Variants in COL25A1 observed in about 807,000 individuals in gnomAD.
COL25A1 encodes collagen type XXV alpha 1 chain.
A neutral mutation model predicts 128.4 loss-of-function variants in COL25A1; 103 were observed. The ratio of observed to expected loss-of-function variants is 0.80; its 90% CI spans 0.68 to 0.94. COL25A1 has a LOEUF of 0.94. COL25A1 is among the 40% of genes least tolerant of loss of function. The probability of loss-of-function intolerance (pLI) is 0.00; values close to 1 mark genes in which losing one functional copy is unlikely to be tolerated. For missense variants in COL25A1, 745 were observed against 840.0 expected, an observed-to-expected ratio of 0.89 and a Z score of 1.40; for synonymous variants, 279 against 277.2, an observed-to-expected ratio of 1.01 and a Z score of -0.06.
chr4:109,265,518 CGTGTGTGT>C (rs57643656), intron 3 of COL25A1, among the ~76,000 whole-genome samples: 9,107 of 129,656 alleles, frequency 0.07, 622 homozygotes, highest in African/African-American at 0.18. Flanking sequence ...AATAACAGTA[CGTGTGTGT>C]GTGTGTGTGT....
intron 3 of COL25A1, among the ~76,000 whole-genome samples, chr4:109,227,431 A>T (rs1455120769): frequency 6.6e-6 from 1 of 152,120 alleles, no homozygotes; most frequent in Non-Finnish European, 1.5e-5. Context: ...GTATCTTGTA[A>T]TTTTTGCTGG....
intron 24 of COL25A1, among the ~76,000 whole-genome samples, chr4:108,854,332 C>T (rs1259479970): frequency 6.6e-6 from 1 of 152,036 alleles, no homozygotes; most frequent in Non-Finnish European, 1.5e-5. Context: ...ACTAAAACAC[C>T]AAAAGCAGTG....
chr4:108,965,976 T>C (rs912237929), intron 8 of COL25A1, among the ~76,000 whole-genome samples: 1 of 152,228 alleles, frequency 6.6e-6, no homozygotes, highest in African/African-American at 2.4e-5. Context: ...AAGATCTTGA[T>C]ATGCAATTTT....
At chr4:108,998,247 C>T (rs922389657) in intron 6 of COL25A1, among the ~76,000 whole-genome samples, 2 of 152,172 alleles carry the variant, frequency 1.3e-5, no homozygotes, top group African/African-American at 4.8e-5. Flanking sequence ...CCCAAATTTC[C>T]TTAAGCTGAT....
intron 3 of COL25A1, among the ~76,000 whole-genome samples, chr4:109,175,779 G>C (rs1774036203): frequency 6.6e-6 from 1 of 152,176 alleles, no homozygotes; most frequent in East Asian, 1.9e-4. Flanking sequence ...GTCAAGTCCT[G>C]TCTAATGAAG....
intron 3 of COL25A1, among the ~76,000 whole-genome samples, chr4:109,220,708 T>C (rs1309890012): frequency 6.6e-6 from 1 of 152,180 alleles, no homozygotes; most frequent in Admixed American, 6.5e-5. Flanking sequence ...AAAAGTACTT[T>C]ATTGAAATCC....
chr4:109,269,757 A>C (rs1314456072), intron 3 of COL25A1, among the ~76,000 whole-genome samples: 1 of 152,128 alleles, frequency 6.6e-6, no homozygotes, highest in Non-Finnish European at 1.5e-5. Context: ...CCGGGCAGAG[A>C]CACAACCAAA....
chr4:109,038,044 G>A (rs977495866), intron 5 of COL25A1, among the ~76,000 whole-genome samples: 6 of 152,168 alleles, frequency 3.9e-5, no homozygotes, highest in Non-Finnish European at 7.3e-5. Flanking sequence ...AAGTGTGAAG[G>A]TACATCTGTG....
Position 109,099,753 on chromosome 4 carries a change from T to C in COL25A1, c.368-49574A>G, listed in dbSNP as rs950258233. ...AAAATAAATATATATGTATAACTAA[T>C]GTATAAAAAATTCTGATGAAAACAT... On this transcript the variant is annotated intron_variant, in intron 3 of 37. Transcript: ENST00000399132. 3.9e-5 allele frequency among the ~76,000 whole-genome samples: 6 copies of C among 151,996 alleles called. No individual in the cohort carries two copies. In the East Asian group the frequency reaches 5.8e-4, roughly 15 times the overall value.
chr4:108,821,581 A>G (rs1312203126), intron 35 of COL25A1, among the ~76,000 whole-genome samples: 1 of 152,194 alleles, frequency 6.6e-6, no homozygotes, highest in Non-Finnish European at 1.5e-5. Context: ...TTTGATTGGT[A>G]AATCAACTCA....
intron 5 of COL25A1, among the ~76,000 whole-genome samples, chr4:109,019,369 C>CATATATATATATATATATATAT (rs1320479600): frequency 6.5e-4 from 6 of 9,234 alleles, no homozygotes; most frequent in Admixed American, 2.1e-3. Flanking sequence ...CACACACACA[C>CATATATATATATATATATATAT]ACACACATAT....
At chr4:109,194,629 T>C (rs1396368401) in intron 3 of COL25A1, among the ~76,000 whole-genome samples, 1 of 152,130 alleles carries the variant, frequency 6.6e-6, no homozygotes, top group African/African-American at 2.4e-5. Flanking sequence ...GTAAACTGCT[T>C]CTTTGATTCC....
At chr4:109,186,511 C>A (rs1273332572) in intron 3 of COL25A1, among the ~76,000 whole-genome samples, 2 of 152,136 alleles carry the variant, frequency 1.3e-5, no homozygotes, top group Non-Finnish European at 2.9e-5. Flanking sequence ...ATAAAAGCAT[C>A]CCAACACAAC....
chr4:109,050,223 T>C (rs768884747), intron 3 of COL25A1, 44 bp from the exon 4 acceptor site: 1 of 1,478,422 alleles, frequency 6.8e-7, no homozygotes, highest in Non-Finnish European at 9.3e-7. Context: ...TTAATTCTTT[T>C]TCCTGGTTCC....
intron 3 of COL25A1, among the ~76,000 whole-genome samples, chr4:109,121,461 C>T (rs1199437304): frequency 6.6e-6 from 1 of 151,874 alleles, no homozygotes; most frequent in Non-Finnish European, 1.5e-5. Context: ...AAAAAGCGGA[C>T]AAAAGATCTA....
chr4:108,853,381 CGT>C (rs889430135), intron 24 of COL25A1, among the ~76,000 whole-genome samples: 5 of 67,022 alleles, frequency 7.5e-5, no homozygotes, highest in African/African-American at 2.0e-4. Flanking sequence ...TGTGTTTGTG[CGT>C]GTGTGTGTGT....
At chr4:109,233,853 T>C (rs904993523) in intron 3 of COL25A1, among the ~76,000 whole-genome samples, 1 of 152,108 alleles carries the variant, frequency 6.6e-6, no homozygotes, top group Non-Finnish European at 1.5e-5. Flanking sequence ...TACAACTCTG[T>C]CACCCTTTTC....
chr4:109,150,119 C>A (rs1171675607), intron 3 of COL25A1, among the ~76,000 whole-genome samples: 1 of 151,596 alleles, frequency 6.6e-6, no homozygotes, highest in East Asian at 1.9e-4. Flanking sequence ...ATGTGATAGT[C>A]TGTATTGTCT....
chr4:108,908,229 C>G (rs1359020812), intron 13 of COL25A1, among the ~76,000 whole-genome samples: 1 of 152,174 alleles, frequency 6.6e-6, no homozygotes, highest in African/African-American at 2.4e-5. Context: ...AAGAATTCCT[C>G]TCTGCAGGCA....
Sources: gnomAD v4.1 joint callset for allele counts (sites outside exome capture counted in the v4.1 genomes callset) on GRCh38, gnomAD v4.1.1 for gene constraint, MANE v1.5 for transcripts, NCBI Gene and HGNC (gene_info 2026-07-23, HGNC 2026-07-21) for gene names.